Variants in SNAP91 observed in about 807,000 individuals in gnomAD.
SNAP91 encodes synaptosome associated protein 91.
SNAP91 carries 27 observed loss-of-function variants against 100.3 expected under a neutral mutation model. The observed-to-expected ratio is 0.27, with a 90% CI of 0.20 to 0.37. SNAP91 has a LOEUF of 0.37. Ranked by LOEUF, SNAP91 falls within the 10% of genes least tolerant of loss-of-function variation. The pLI, the probability that SNAP91 is intolerant of heterozygous loss-of-function variation, is 1.00. For missense variants in SNAP91, 986 were observed against 1,123.7 expected, an observed-to-expected ratio of 0.88 and a Z score of 1.75; for synonymous variants, 404 against 398.6, an observed-to-expected ratio of 1.01 and a Z score of -0.16.
chr6:83,571,277 G>T (rs1348142902), intron 26 of SNAP91, among the ~76,000 whole-genome samples: 1 of 152,108 alleles, frequency 6.6e-6, no homozygotes, highest in Non-Finnish European at 1.5e-5. Context: ...GCTAATTTTT[G>T]TATTTTTAGT....
At chr6:83,556,105 T>C in intron 29 of SNAP91, 38 bp downstream of exon 29, 1 of 1,165,292 alleles carries the variant, frequency 8.6e-7, no homozygotes. Context: ...GTATAGCTCA[T>C]TATTACAAGC....
Position 83,581,541 on chromosome 6 carries a change from G to A in SNAP91, c.2149+681C>T, listed in dbSNP as rs138305837. Among the ~76,000 whole-genome samples, 467 of 152,280 alleles carry A rather than the reference G, an allele frequency of 3.1e-3. 2 individuals are homozygous for A. Among genetic ancestry groups the A allele is most frequent in the African/African-American group, 0.011 (439 of 41,572 alleles). On this transcript the variant is annotated intron_variant, in intron 23 of 29. Transcript: ENST00000369694. ...TTGTAAAATTTTATCAAAAAACTAT[G>A]CATATCTACCATAACAACTACTATA...
At chr6:83,680,056 A>G (rs1014582551) in intron 2 of SNAP91, among the ~76,000 whole-genome samples, 1 of 152,178 alleles carries the variant, frequency 6.6e-6, no homozygotes, top group Admixed American at 6.6e-5. Context: ...TCTCAGAGCT[A>G]AAAGCAACTC....
chr6:83,582,261 T>C lies in SNAP91; in HGVS notation c.2110A>G (p.Thr704Ala), dbSNP rs1829547191. 6.2e-7 allele frequency: 1 copy of C among 1,613,656 alleles called. No individual in the cohort carries two copies. Among genetic ancestry groups the C allele is most frequent in the Non-Finnish European group, 8.5e-7 (1 of 1,179,722 alleles). ...QPNFEAAFGT[T>A]PSTSSSSSFD... ...GAGCTGCTGCTGGAAGTTGAAGGCG[T>C]TGTCCCAAAAGCTGCCTCAAAATTG... The change falls in exon 23 of 30, where the codon ACG (threonine) becomes GCG (alanine). Residue 704 changes from threonine to alanine, a missense_variant. This residue lies in a region of SNAP91 where 575 missense variants were observed against 579.9 expected (regional missense o/e 0.99). Coordinates refer to ENST00000369694, the MANE Select transcript of SNAP91 (RefSeq NM_001242792.2).
intron 22 of SNAP91, among the ~76,000 whole-genome samples, chr6:83,587,541 G>A: frequency 6.6e-6 from 1 of 151,756 alleles, no homozygotes; most frequent in East Asian, 1.9e-4. Context: ...TGTGGACTTA[G>A]CTGATCCCTC....
chr6:83,650,167 T>A (rs1197075638), intron 7 of SNAP91, among the ~76,000 whole-genome samples: 1 of 152,200 alleles, frequency 6.6e-6, no homozygotes, highest in Non-Finnish European at 1.5e-5. Flanking sequence ...AATGAAAAAT[T>A]CAAATCATGG....
chr6:83,586,079 AC>A (rs2092547234), intron 22 of SNAP91, among the ~76,000 whole-genome samples: 2 of 151,990 alleles, frequency 1.3e-5, no homozygotes, highest in Admixed American at 1.3e-4. Flanking sequence ...CGATCTCCTG[AC>A]CTTGTGATCT....
intron 22 of SNAP91, among the ~76,000 whole-genome samples, chr6:83,590,555 A>C (rs951777265): frequency 2.0e-5 from 3 of 152,100 alleles, no homozygotes; most frequent in African/African-American, 4.8e-5. Flanking sequence ...CTTGTTAAAA[A>C]AAAAAACAAA....
intron 28 of SNAP91, among the ~76,000 whole-genome samples, chr6:83,558,154 T>G (rs184443712): frequency 1.3e-4 from 20 of 152,240 alleles, no homozygotes; most frequent in Non-Finnish European, 2.8e-4. Context: ...AAATTATATT[T>G]ATTTATTTCT....
At position 83,593,716 on chromosome 6, in the gene SNAP91, A is replaced by G. The variant is rs772919109; in HGVS notation, c.1458T>C (p.Ser486=). The G allele has an allele frequency of 1.9e-6, 3 of 1,597,634 alleles. No homozygotes were observed. Among genetic ancestry groups the G allele is most frequent in the African/African-American group, 1.3e-5 (1 of 74,666 alleles). ...GGTCCAGCTCAGGTGCAGCCTCTGCACTACCTTCAGACGGGGCAAAGGGGT... is the reference window on the plus strand; with the variant it reads ...GGTCCAGCTCAGGTGCAGCCTCTGCGCTACCTTCAGACGGGGCAAAGGGGT... The part of the protein sequence containing the change: ...GNDPFAPSEG[S]AEAAPELDLF... The change falls in exon 18 of 30, where the codon AGT becomes AGC. Residue 486 remains serine (S), a synonymous_variant. Coordinates refer to ENST00000369694, the MANE Select transcript of SNAP91 (RefSeq NM_001242792.2).
chr6:83,582,401 G>A, intron 22 of SNAP91, 45 bp from the exon 23 acceptor site: 1 of 1,568,364 alleles, frequency 6.4e-7, no homozygotes. Context: ...ACATAAAGGT[G>A]GGTAAAGGCC....
At chr6:83,686,525 C>T (rs1346944506) in intron 2 of SNAP91, among the ~76,000 whole-genome samples, 3 of 152,140 alleles carry the variant, frequency 2.0e-5, no homozygotes, top group South Asian at 4.1e-4. Context: ...GTGACTAATT[C>T]AGCTAATAAA....
At chr6:83,650,182 A>C (rs2098135980) in intron 7 of SNAP91, among the ~76,000 whole-genome samples, 1 of 152,208 alleles carries the variant, frequency 6.6e-6, no homozygotes, top group African/African-American at 2.4e-5. Flanking sequence ...TCATGGTATT[A>C]ATTCTAATAA....
At chr6:83,640,863 T>C (rs2097668534) in intron 8 of SNAP91, among the ~76,000 whole-genome samples, 3 of 152,152 alleles carry the variant, frequency 2.0e-5, no homozygotes, top group African/African-American at 7.2e-5. Flanking sequence ...GAAACTTTTA[T>C]TTGAATGCAG....
At chr6:83,603,026 T>A (rs2095372712) in intron 14 of SNAP91, among the ~76,000 whole-genome samples, 1 of 151,864 alleles carries the variant, frequency 6.6e-6, no homozygotes, top group Admixed American at 6.6e-5. Flanking sequence ...GTTTACATGG[T>A]TTTCACATAT....
At chr6:83,685,938 T>C (rs2099054504) in intron 2 of SNAP91, among the ~76,000 whole-genome samples, 1 of 152,154 alleles carries the variant, frequency 6.6e-6, no homozygotes, top group Non-Finnish European at 1.5e-5. Flanking sequence ...CTTTAACATA[T>C]TACCCAATTG....
At chr6:83,627,623 C>G (rs2096995526) in intron 8 of SNAP91, among the ~76,000 whole-genome samples, 2 of 151,914 alleles carry the variant, frequency 1.3e-5, no homozygotes, top group African/African-American at 4.8e-5. Context: ...CTCTAGATTT[C>G]TACTTTGTGT....
chr6:83,708,110 G>C, intron 1 of SNAP91, 153 bp from the exon 2 acceptor site: 1 of 632,980 alleles, frequency 1.6e-6, no homozygotes, highest in Non-Finnish European at 2.5e-6. Flanking sequence ...GCCAAGCCCC[G>C]CTCCTGCGAT....
intron 26 of SNAP91, among the ~76,000 whole-genome samples, chr6:83,564,255 C>T (rs138154558): frequency 2.2e-4 from 34 of 151,770 alleles, no homozygotes; most frequent in South Asian, 1.3e-3. Context: ...ATATGTCAGA[C>T]GGTCAATTAA....
Sources: allele counts gnomAD v4.1 joint callset (sites outside exome capture counted in the v4.1 genomes callset), GRCh38; gene constraint gnomAD v4.1.1; regional missense constraint gnomAD v4.1.1; transcripts MANE v1.5; gene names NCBI Gene and HGNC (gene_info 2026-07-23, HGNC 2026-07-21).